The following MEGF6 variants were observed in gnomAD, a reference collection of about 807,000 sequenced individuals.
MEGF6 encodes the protein multiple EGF like domains 6, also known as multiple epidermal growth factor-like domains protein 6.
A neutral mutation model predicts 207.1 loss-of-function variants in MEGF6; 184 were observed. The ratio of observed to expected loss-of-function variants is 0.89; its 90% CI spans 0.79 to 1.00. The LOEUF is 1.00. MEGF6 is among the 50% of genes least tolerant of loss of function. MEGF6 has a pLI of 0.00. For missense variants in MEGF6, 2,282 were observed against 2,202.9 expected, an observed-to-expected ratio of 1.04 and a Z score of -0.72; for synonymous variants, 1,038 against 910.0, an observed-to-expected ratio of 1.14 and a Z score of -2.53.
At chr1:3,493,598 G>C (rs1213088883) in intron 34 of MEGF6, 173 bp downstream of exon 34, 1 of 866,310 alleles carries the variant, frequency 1.2e-6, no homozygotes, top group Admixed American at 3.0e-5. Context: ...GCTTGGTACC[G>C]CATGTCCCAG....
At chr1:3,548,792 G>A (rs922486389) in intron 4 of MEGF6, among the ~76,000 whole-genome samples, 4 of 152,140 alleles carry the variant, frequency 2.6e-5, no homozygotes, top group African/African-American at 7.2e-5. Flanking sequence ...CCCCAGCACC[G>A]GGGCAGCCTC....
intron 3 of MEGF6, among the ~76,000 whole-genome samples, chr1:3,586,523 G>A (rs1309620733): frequency 6.6e-6 from 1 of 152,158 alleles, no homozygotes; most frequent in Non-Finnish European, 1.5e-5. Context: ...GAGACGTGGG[G>A]TGTAGGGGTG....
intron 1 of MEGF6, among the ~76,000 whole-genome samples, chr1:3,604,324 G>T (rs1644209366): frequency 6.6e-6 from 1 of 152,172 alleles, no homozygotes; most frequent in Admixed American, 6.5e-5. Flanking sequence ...GTGACTGCAG[G>T]GTGGGGCACA....
chr1:3,558,260 C>T (rs1309662616), intron 4 of MEGF6, among the ~76,000 whole-genome samples: 4 of 152,200 alleles, frequency 2.6e-5, no homozygotes, highest in Non-Finnish European at 5.9e-5. Context: ...CTCGTCCCCT[C>T]CTCTCTCTCC....
chr1:3,497,049 G>A lies in MEGF6; in HGVS notation c.3552C>T (p.Cys1184=). ...MCQCPGENPA[C]HPATGTCSCA... ...ATGAGCAGGTCCCGGTGGCAGGGTG[G>A]CAGGCCGGGTTCTCACCGGGACACT... is the stretch of plus-strand genomic sequence containing the variant. The change falls in exon 28 of 37, where the codon TGC becomes TGT. Residue 1184 remains cysteine, a synonymous_variant. Transcript: ENST00000356575. 6.4e-7 allele frequency: 1 copy of A among 1,556,362 alleles called. No homozygotes were observed. The highest frequency in any genetic ancestry group is 8.7e-7 in the Non-Finnish European group (1 of 1,150,744).
At chr1:3,595,961 T>C (rs1285780992) in intron 2 of MEGF6, among the ~76,000 whole-genome samples, 1 of 151,976 alleles carries the variant, frequency 6.6e-6, no homozygotes, top group Non-Finnish European at 1.5e-5. Context: ...TTTGAGTCCA[T>C]CAGTGAAGCA....
chr1:3,490,777 T>C (rs1569910720), intron 36 of MEGF6, 135 bp downstream of exon 36: 9 of 1,296,018 alleles, frequency 6.9e-6, no homozygotes, highest in East Asian at 5.1e-5. Flanking sequence ...GTCTCTGAGC[T>C]CCAGATTCCT....
chr1:3,524,062 A>G (rs888213859), intron 5 of MEGF6, 62 bp downstream of exon 5: 40 of 1,562,568 alleles, frequency 2.6e-5, no homozygotes, highest in Non-Finnish European at 3.4e-5. Flanking sequence ...GCCTGGGCAC[A>G]CCCCAGAGGG....
At chr1:3,545,380 C>G (rs986676429) in intron 4 of MEGF6, among the ~76,000 whole-genome samples, 2 of 152,098 alleles carry the variant, frequency 1.3e-5, no homozygotes, top group Non-Finnish European at 2.9e-5. Context: ...CACAGGCAGC[C>G]GCAGGGGGGA....
intron 3 of MEGF6, among the ~76,000 whole-genome samples, chr1:3,593,316 C>T (rs1204084133): frequency 6.6e-6 from 1 of 152,156 alleles, no homozygotes; most frequent in Non-Finnish European, 1.5e-5. Flanking sequence ...CAGGTGAACA[C>T]AGGGGCACAC....
At chr1:3,601,335 T>C (rs565988446) in intron 2 of MEGF6, among the ~76,000 whole-genome samples, 2 of 152,382 alleles carry the variant, frequency 1.3e-5, no homozygotes, top group East Asian at 3.9e-4. Context: ...CCTGCATCCA[T>C]GCACGCATGA....
chr1:3,610,361 G>T (rs1644308037), intron 1 of MEGF6, among the ~76,000 whole-genome samples: 1 of 152,176 alleles, frequency 6.6e-6, no homozygotes, highest in Non-Finnish European at 1.5e-5. Context: ...GCCCCTCTGT[G>T]GCCCCTGGAC....
intron 3 of MEGF6, among the ~76,000 whole-genome samples, chr1:3,580,133 G>A (rs764366828): frequency 6.6e-6 from 1 of 152,152 alleles, no homozygotes; most frequent in Non-Finnish European, 1.5e-5. Context: ...GTGCAGTTGG[G>A]GTTAGGCGGA....
Position 3,500,668 on chromosome 1 carries a change from C to T in MEGF6, c.2672G>A (p.Cys891Tyr), listed in dbSNP as rs1557721726. The T allele has an allele frequency of 1.7e-5, 26 of 1,570,644 alleles. No homozygotes were observed. The highest frequency in any genetic ancestry group is 2.1e-5 in the Non-Finnish European group (24 of 1,158,146). Reference protein sequence around the residue: ...SCDAISGLCLCEAGYVGPRCE... With the variant: ...SCDAISGLCLYEAGYVGPRCE... ...CCGCGGGCCCACGTAGCCAGCCTCA[C>T]ACAGACACAGGCCGCTGATGGCATC... The change falls in exon 21 of 37, where the codon TGT becomes TAT. Residue 891 changes from cysteine to tyrosine, a missense_variant. Physicochemically the swap from Cys to Tyr is radical, Grantham distance 194. Transcript: ENST00000356575.
At chr1:3,584,651 C>T (rs1643869031) in intron 3 of MEGF6, among the ~76,000 whole-genome samples, 1 of 152,222 alleles carries the variant, frequency 6.6e-6, no homozygotes, top group South Asian at 2.1e-4. Flanking sequence ...AGGCCCACGT[C>T]CCCTCACCAT....
At chr1:3,570,296 ACCTG>A (rs1192953283) in intron 4 of MEGF6, among the ~76,000 whole-genome samples, 3 of 152,180 alleles carry the variant, frequency 2.0e-5, no homozygotes, top group African/African-American at 7.2e-5. Context: ...AAAGTCAAGC[ACCTG>A]CCCTGCCCGC....
chr1:3,548,495 C>T (rs934549018), intron 4 of MEGF6, among the ~76,000 whole-genome samples: 2 of 152,228 alleles, frequency 1.3e-5, no homozygotes, highest in Non-Finnish European at 2.9e-5. Context: ...CAGGGCGAGA[C>T]GGAGGCTGGC....
chr1:3,603,565 C>A (rs1644195772), intron 1 of MEGF6, among the ~76,000 whole-genome samples: 3 of 152,158 alleles, frequency 2.0e-5, no homozygotes, highest in Admixed American at 1.3e-4. Context: ...GCCAGGCATA[C>A]CTGGTGCGGG....
rs558510368 is a variant in MEGF6, at chr1:3,539,699, C to T, written c.482-15453G>A. Among the ~76,000 whole-genome samples, 569 of 152,326 alleles carry T rather than the reference C, an allele frequency of 3.7e-3. 5 individuals are homozygous for T. Among genetic ancestry groups the T allele is most frequent in the South Asian group, 8.7e-3 (42 of 4,832 alleles). Reference sequence around the variant, plus strand: ...GAGAAAAGTGGCTACCTGGGCGCCTCGGTTTCCCCAGCCCAGGAGGCCCTT... The same window carrying T: ...GAGAAAAGTGGCTACCTGGGCGCCTTGGTTTCCCCAGCCCAGGAGGCCCTT... On this transcript the variant is annotated intron_variant, in intron 4 of 36. Coordinates refer to ENST00000356575, the MANE Select transcript of MEGF6 (RefSeq NM_001409.4).
Sources: gnomAD v4.1 joint callset for allele counts (sites outside exome capture counted in the v4.1 genomes callset) on GRCh38, gnomAD v4.1.1 for gene constraint, MANE v1.5 for transcripts, NCBI Gene and HGNC (gene_info 2026-07-23, HGNC 2026-07-21) for gene names.